VGLL4: variants seen among roughly 807,000 people sequenced by gnomAD.
VGLL4 encodes the protein vestigial like family member 4.
Under a neutral mutation model 21.0 loss-of-function variants are expected in VGLL4, and 7 were observed. That is an observed-to-expected ratio of 0.33 (90% CI 0.19 to 0.63). The LOEUF is 0.63. Ranked by LOEUF, VGLL4 falls within the 20% of genes least tolerant of loss-of-function variation. The probability of loss-of-function intolerance (pLI) is 0.78; values close to 1 mark genes in which losing one functional copy is unlikely to be tolerated. For synonymous variants in VGLL4, 222 were observed against 173.2 expected (o/e 1.28, Z -2.21); for missense variants, 394 against 425.7 (o/e 0.93, Z 0.66).
chr3:11,582,189 C>A, intron 2 of VGLL4: 2 of 1,397,878 alleles, frequency 1.4e-6, no homozygotes, highest in South Asian at 1.2e-5. Context: ...CTTGCTGTCT[C>A]GCAGTTTAAA....
chr3:11,647,003 G>A (rs1022264546), upstream of VGLL4, among the ~76,000 whole-genome samples: 1 of 152,190 alleles, frequency 6.6e-6, no homozygotes, highest in African/African-American at 2.4e-5. Flanking sequence ...AAATTTGAGG[G>A]CTGTAGTTTT....
At position 11,698,487 on chromosome 3, in the gene VGLL4, C is replaced by T. The variant is rs192602825; in HGVS notation, c.64+4484G>A. On this transcript the variant is annotated intron_variant, in intron 2 of 5. Transcript: ENST00000273038. ...TCGCACCACTGCATTCCAGCCTGGG[C>T]GAATGAGCAAGACTCTGTCTCCAGA... 1.5e-3 allele frequency among the ~76,000 whole-genome samples: 227 copies of T among 152,202 alleles called. 3 individuals are homozygous for T. The highest frequency in any genetic ancestry group is 5.3e-3 in the African/African-American group (220 of 41,528).
intron 2 of VGLL4, among the ~76,000 whole-genome samples, chr3:11,661,924 C>T (rs183139489): frequency 6.6e-6 from 1 of 152,256 alleles, no homozygotes; most frequent in Admixed American, 6.5e-5. Flanking sequence ...ATCCCGGAAA[C>T]GGATGCCGCA....
chr3:11,685,582 TCAC>T (rs1300937960), intron 2 of VGLL4, among the ~76,000 whole-genome samples: 1 of 152,200 alleles, frequency 6.6e-6, no homozygotes, highest in Non-Finnish European at 1.5e-5. Flanking sequence ...TAATCAACAT[TCAC>T]ATGTGTCTTT....
chr3:11,618,563 T>C (rs1463376068), intron 1 of VGLL4, among the ~76,000 whole-genome samples: 1 of 152,208 alleles, frequency 6.6e-6, no homozygotes, highest in Admixed American at 6.5e-5. Context: ...AAAGGTGCAA[T>C]TGCAGACTTA....
intron 2 of VGLL4, among the ~76,000 whole-genome samples, chr3:11,675,203 G>C (rs556731407): frequency 6.6e-6 from 1 of 152,074 alleles, no homozygotes; most frequent in Non-Finnish European, 1.5e-5. Flanking sequence ...TTAGCCAGTC[G>C]TAGTGGCAGG....
intron 3 of VGLL4, among the ~76,000 whole-genome samples, chr3:11,561,891 CTTTTT>C (rs35380668): frequency 5.6e-5 from 5 of 88,590 alleles, no homozygotes; most frequent in African/African-American, 2.3e-4. Flanking sequence ...CTGCGCCAAA[CTTTTT>C]TTTTTTTTTT....
intron 3 of VGLL4, among the ~76,000 whole-genome samples, chr3:11,561,519 G>A (rs114146383): frequency 0.013 from 2,004 of 152,238 alleles, 50 homozygotes; most frequent in African/African-American, 0.045. Context: ...GTGAGCCCTC[G>A]TGGGACTGGC....
chr3:11,651,212 A>G (rs2075866718), intron 2 of VGLL4, among the ~76,000 whole-genome samples: 1 of 151,978 alleles, frequency 6.6e-6, no homozygotes, highest in South Asian at 2.1e-4. Flanking sequence ...GTGTGGTGGC[A>G]GGTGCCTATA....
intron 1 of VGLL4, among the ~76,000 whole-genome samples, chr3:11,718,170 G>A (rs1295398870): frequency 1.3e-5 from 2 of 152,140 alleles, no homozygotes; most frequent in Non-Finnish European, 2.9e-5. Context: ...AAATTAGCCT[G>A]GGATTAAAAT....
At chr3:11,583,566 C>T (rs2074290381) in intron 2 of VGLL4, among the ~76,000 whole-genome samples, 1 of 152,168 alleles carries the variant, frequency 6.6e-6, no homozygotes, top group Admixed American at 6.5e-5. Flanking sequence ...CTATCAAATA[C>T]TCTAAAAGCT....
intron 3 of VGLL4, among the ~76,000 whole-genome samples, chr3:11,561,144 C>T (rs535787197): frequency 1.3e-5 from 2 of 152,286 alleles, no homozygotes; most frequent in South Asian, 4.1e-4. Flanking sequence ...CAGGGTCCTC[C>T]CAATAAAACT....
At chr3:11,566,158 A>G (rs1402975972) in intron 2 of VGLL4, among the ~76,000 whole-genome samples, 4 of 152,180 alleles carry the variant, frequency 2.6e-5, no homozygotes, top group African/African-American at 9.7e-5. Context: ...ACACACAATG[A>G]ATGTTACACA....
chr3:11,681,925 T>G (rs1000239293), intron 2 of VGLL4, among the ~76,000 whole-genome samples: 1 of 152,030 alleles, frequency 6.6e-6, no homozygotes, highest in Non-Finnish European at 1.5e-5. Context: ...TGTGGCCACA[T>G]CTCCAAGGCA....
intron 2 of VGLL4, among the ~76,000 whole-genome samples, chr3:11,654,454 T>G (rs1221759529): frequency 1.3e-5 from 2 of 152,204 alleles, no homozygotes; most frequent in African/African-American, 4.8e-5. Context: ...GCTGTGATTT[T>G]CCACTGCACC....
chr3:11,684,730 C>CTGTGTCTGTGTG (rs1553743967), intron 2 of VGLL4, among the ~76,000 whole-genome samples: 1 of 148,674 alleles, frequency 6.7e-6, no homozygotes, highest in African/African-American at 2.5e-5. Context: ...CAACCTTTTT[C>CTGTGTCTGTGTG]TGTGTGTGTG....
At chr3:11,636,811 A>C (rs2075596789) in intron 1 of VGLL4, among the ~76,000 whole-genome samples, 1 of 152,208 alleles carries the variant, frequency 6.6e-6, no homozygotes. Flanking sequence ...ACTGAAAAAA[A>C]AGTTCTTCCC....
At chr3:11,578,748 C>CTTTTTTTTTTTT (rs71044228) in intron 2 of VGLL4, among the ~76,000 whole-genome samples, 3 of 104,696 alleles carry the variant, frequency 2.9e-5, no homozygotes, top group Non-Finnish European at 3.5e-5. Context: ...TGTATATTTT[C>CTTTTTTTTTTTT]TTTTTTTTTT....
intron 1 of VGLL4, among the ~76,000 whole-genome samples, chr3:11,607,934 G>A (rs2074981616): frequency 6.6e-6 from 1 of 152,170 alleles, no homozygotes. Context: ...TCGAGTGCCT[G>A]TGACACACTG....
Sources: gnomAD v4.1 joint callset for allele counts (sites outside exome capture counted in the v4.1 genomes callset) on GRCh38, gnomAD v4.1.1 for gene constraint, MANE v1.5 for transcripts, NCBI Gene and HGNC (gene_info 2026-07-23, HGNC 2026-07-21) for gene names.